STAM: variants seen among roughly 807,000 people sequenced by gnomAD.
STAM encodes the protein signal transducing adapter molecule 1.
Under a neutral mutation model 63.4 loss-of-function variants are expected in STAM, and 16 were observed. That is an observed-to-expected ratio of 0.25 (90% CI 0.17 to 0.38). STAM has a LOEUF of 0.38. Ranked by LOEUF, STAM falls within the 10% of genes least tolerant of loss-of-function variation. STAM has a pLI of 1.00. For synonymous variants in STAM, 238 were observed against 223.9 expected (o/e 1.06, Z -0.56); for missense variants, 636 against 657.1 (o/e 0.97, Z 0.35).
intron 5 of STAM, among the ~76,000 whole-genome samples, chr10:17,690,569 A>G (rs901598264): frequency 6.6e-6 from 1 of 152,226 alleles, no homozygotes; most frequent in Non-Finnish European, 1.5e-5. Flanking sequence ...AAAAAAATAA[A>G]TCATCTAAGT....
chr10:17,659,524 C>T (rs2131580728), intron 1 of STAM, among the ~76,000 whole-genome samples: 1 of 127,752 alleles, frequency 7.8e-6, no homozygotes, highest in East Asian at 2.3e-4. Flanking sequence ...AACTGGAGTG[C>T]AGTGTACGAT....
At position 17,706,575 on chromosome 10, in the gene STAM, T is replaced by A. The variant is rs527273473; in HGVS notation, c.1209+834T>A. On this transcript the variant is annotated intron_variant, in intron 12 of 13. Transcript: ENST00000377524. ...TTTGTATTTTTAGTAGAGACGGGGT[T>A]TCGCCGTGTTAGCCAGGTTGGCCTT... is the stretch of plus-strand genomic sequence containing the variant. Among the ~76,000 whole-genome samples, 12 of 152,104 alleles carry A rather than the reference T, an allele frequency of 7.9e-5. No individual in the cohort carries two copies. The East Asian group carries it at 1.9e-3, about 25-fold the overall frequency.
At chr10:17,713,195 C>T (rs1455886048) in intron 13 of STAM, among the ~76,000 whole-genome samples, 1 of 152,184 alleles carries the variant, frequency 6.6e-6, no homozygotes, top group Non-Finnish European at 1.5e-5. Flanking sequence ...GCCTCATTTG[C>T]CTCTTGCCTC....
In STAM at chr10:17,681,901, C is replaced by T. The variant is rs1185915624; in HGVS notation, c.126-2774C>T. The stretch of plus-strand genomic sequence containing the variant: ...TTGAGAGCCTAAGCACATGATGTTT[C>T]GTAGGTTATATGAATGATTACTCTG... On this transcript the variant is annotated intron_variant, in intron 2 of 13. Transcript: ENST00000377524. Among the ~76,000 whole-genome samples, 14 of 152,264 alleles carry T rather than the reference C, an allele frequency of 9.2e-5. No individual in the cohort carries two copies. In the East Asian group the frequency reaches 9.6e-4, roughly 10 times the overall value.
In STAM at chr10:17,714,625, G is replaced by C. The variant is rs782062323; in HGVS notation, c.1468G>C (p.Ala490Pro). 2.5e-6 allele frequency: 4 copies of C among 1,614,134 alleles called. No individual in the cohort carries two copies. In the Admixed American group the frequency reaches 6.7e-5, roughly 27 times the overall value. The part of the protein sequence containing the change: ...YSPPPAATAA[A>P]ATADVTLYQN... ...TCCTCCTCCTGCCGCTACTGCTGCT[G>C]CTGCAACTGCCGATGTCACTCTGTA... Residue 490 changes from alanine (A) to proline (P), a missense_variant, in exon 14 of 14, where the codon GCT becomes CCT. Coordinates refer to ENST00000377524, the MANE Select transcript of STAM (RefSeq NM_003473.4).
chr10:17,703,008 CAAAAAAA>C (rs71507229), intron 9 of STAM, among the ~76,000 whole-genome samples: 1 of 67,862 alleles, frequency 1.5e-5, no homozygotes, highest in African/African-American at 5.2e-5. Flanking sequence ...GACTCCATCT[CAAAAAAA>C]AAAAAAAAAA....
intron 4 of STAM, among the ~76,000 whole-genome samples, chr10:17,686,927 T>C (rs1835316640): frequency 6.6e-6 from 1 of 152,236 alleles, no homozygotes. Context: ...AGAGGAGTTA[T>C]TTCTTCTCTG....
At chr10:17,674,026 G>A (rs1310991077) in intron 2 of STAM, among the ~76,000 whole-genome samples, 2 of 152,166 alleles carry the variant, frequency 1.3e-5, no homozygotes, top group African/African-American at 4.8e-5. Flanking sequence ...AGGGACTGGA[G>A]GTCCAAGAGA....
At chr10:17,702,373 A>C (rs529600288) in intron 9 of STAM, among the ~76,000 whole-genome samples, 74 of 152,314 alleles carry the variant, frequency 4.9e-4, no homozygotes, top group African/African-American at 1.7e-3. Flanking sequence ...AAGGAAAAAA[A>C]CAATTTGAAA....
chr10:17,657,271 C>G (rs940000057), intron 1 of STAM, among the ~76,000 whole-genome samples: 4 of 152,142 alleles, frequency 2.6e-5, no homozygotes, highest in African/African-American at 9.7e-5. Context: ...CAATTTATCA[C>G]TTTTAGAGAG....
chr10:17,711,295 G>A (rs560410355), intron 13 of STAM, among the ~76,000 whole-genome samples: 64 of 152,246 alleles, frequency 4.2e-4, no homozygotes, highest in African/African-American at 1.5e-3. Context: ...TACCTGTAGC[G>A]ATGGTAGTAT....
intron 13 of STAM, among the ~76,000 whole-genome samples, chr10:17,712,867 G>A (rs1836617994): frequency 6.6e-6 from 1 of 150,658 alleles, no homozygotes; most frequent in Non-Finnish European, 1.5e-5. Context: ...GCAGCGGAGC[G>A]GTGGGAGCGG....
intron 1 of STAM, among the ~76,000 whole-genome samples, chr10:17,646,765 C>G (rs1554820880): frequency 1.3e-5 from 2 of 152,142 alleles, no homozygotes; most frequent in Non-Finnish European, 2.9e-5. Flanking sequence ...GTCCAGTAGA[C>G]TCATATTATT....
At chr10:17,673,754 A>T (rs1834734375) in intron 2 of STAM, among the ~76,000 whole-genome samples, 1 of 152,260 alleles carries the variant, frequency 6.6e-6, no homozygotes, top group African/African-American at 2.4e-5. Context: ...CTCTGGAGTC[A>T]GATTGTCTGC....
chr10:17,645,734 G>C (rs1219178180), intron 1 of STAM, among the ~76,000 whole-genome samples: 1 of 152,132 alleles, frequency 6.6e-6, no homozygotes, highest in Admixed American at 6.5e-5. Flanking sequence ...TTAATAAGCA[G>C]TTAGCACACA....
chr10:17,647,775 G>A (rs782217338), intron 1 of STAM, among the ~76,000 whole-genome samples: 119 of 152,110 alleles, frequency 7.8e-4, no homozygotes, highest in Non-Finnish European at 1.6e-3. Flanking sequence ...TATTAAGTAA[G>A]ATTTTAAAAA....
At position 17,708,911 on chromosome 10, in the gene STAM, C is replaced by G. The variant is rs782113698; in HGVS notation, c.1345C>G (p.Pro449Ala). The change falls in exon 13 of 14, where the codon CCA (proline) becomes GCA (alanine). Residue 449 changes from proline (P) to alanine (A), a missense_variant. Pro to Ala is a conservative substitution (Grantham distance 27). Transcript: ENST00000377524. ...GGCAGTGGTCCCACCATCCGCAAAC[C>G]CAGCCCTTCCTAGTCAGCAGACTCA... is the stretch of plus-strand genomic sequence containing the variant. ...SQAVVPPSAN[P>A]ALPSQQTQAA... 46 of 1,614,006 alleles carry G rather than the reference C, an allele frequency of 2.9e-5. No individual in the cohort carries two copies. Among genetic ancestry groups the G allele is most frequent in the Non-Finnish European group, 1.7e-6 (2 of 1,180,010 alleles).
chr10:17,680,551 G>A (rs1442068319), intron 2 of STAM, among the ~76,000 whole-genome samples: 3 of 151,864 alleles, frequency 2.0e-5, no homozygotes, highest in African/African-American at 7.3e-5. Context: ...GACTACAAGT[G>A]TGTGCCATCA....
chr10:17,684,110 G>T (rs900412932), intron 2 of STAM, among the ~76,000 whole-genome samples: 4 of 151,962 alleles, frequency 2.6e-5, no homozygotes, highest in Non-Finnish European at 4.4e-5. Flanking sequence ...TATCGCCCTC[G>T]GTCACTTTTT....
Sources: allele counts gnomAD v4.1 joint callset (sites outside exome capture counted in the v4.1 genomes callset), GRCh38; gene constraint gnomAD v4.1.1; transcripts MANE v1.5; gene names NCBI Gene and HGNC (gene_info 2026-07-23, HGNC 2026-07-21).